BAHD1: variants seen among roughly 807,000 people sequenced by gnomAD.
BAHD1 encodes the protein bromo adjacent homology domain-containing 1 protein.
In BAHD1, 20 loss-of-function variants were observed where a neutral mutation model predicts 63.1. The ratio of observed to expected loss-of-function variants is 0.32; its 90% CI spans 0.22 to 0.46. The LOEUF (loss-of-function observed/expected upper bound fraction) is 0.46, where lower values mean the gene tolerates loss of function less well. BAHD1 is among the 20% of genes least tolerant of loss of function. The probability of loss-of-function intolerance (pLI) is 1.00; values close to 1 mark genes in which losing one functional copy is unlikely to be tolerated. For missense variants in BAHD1, 939 were observed against 1,071.8 expected (o/e 0.88, Z 1.73); for synonymous variants, 408 against 426.8 (o/e 0.96, Z 0.54).
upstream of BAHD1, among the ~76,000 whole-genome samples, chr15:40,437,741 T>A (rs555415139): frequency 4.7e-4 from 72 of 152,334 alleles, no homozygotes; most frequent in African/African-American, 1.7e-3. Context: ...TGGGGTGCCC[T>A]GCCTGGTGCC....
chr15:40,464,058 G>A (rs1038392565), intron 4 of BAHD1, 38 bp downstream of exon 4: 3 of 1,606,924 alleles, frequency 1.9e-6, no homozygotes, highest in Non-Finnish European at 2.6e-6. Context: ...AGGGGCAGCT[G>A]CCTTCAGCAG....
intron 1 of BAHD1, among the ~76,000 whole-genome samples, chr15:40,451,170 A>C (rs1013973048): frequency 6.6e-6 from 1 of 151,032 alleles, no homozygotes; most frequent in Non-Finnish European, 1.5e-5. Flanking sequence ...AAAAAAAAAA[A>C]AACTTTAGCT....
At position 40,458,894 on chromosome 15, in the gene BAHD1, C is replaced by A. The variant is rs375192754; in HGVS notation, c.430C>A (p.Arg144Ser). The A allele has an allele frequency of 2.5e-6, 4 of 1,596,802 alleles. No individual in the cohort carries two copies. The highest frequency in any genetic ancestry group is 3.4e-6 in the Non-Finnish European group (4 of 1,170,292). The part of the protein sequence containing the change: ...REDTSSLAGT[R>S]RSRAGDPHRS... ...GGACACCAGCAGCCTGGCAGGCACC[C>A]GCCGCAGTCGAGCAGGGGATCCCCA... The change falls in exon 2 of 7, where the codon CGC becomes AGC. Residue 144 changes from arginine (R) to serine (S), a missense_variant. Arg to Ser is a moderately radical substitution (Grantham distance 110). This residue lies in a region of BAHD1 where 797 missense variants were observed against 813.3 expected (regional missense o/e 0.98). Transcript: ENST00000416165. The surrounding 1 kb of genome is among the most constrained non-coding windows in gnomAD (Gnocchi z 4.7).
Position 40,458,407 on chromosome 15 carries a change from A to C in BAHD1, c.-14-44A>C. On this transcript the variant is annotated intron_variant, in intron 1 of 6. Transcript: ENST00000416165. The surrounding 1 kb of genome is among the most constrained non-coding windows in gnomAD (Gnocchi z 4.7). ...AGTGGGAGAGAAAGCAGGCAGGAGC[A>C]GGCCAGAGAGGGCTTCTCTCATTGC... The C allele has an allele frequency of 1.3e-6, 2 of 1,516,450 alleles. No individual in the cohort carries two copies. The highest frequency in any genetic ancestry group is 1.9e-4 in the Middle Eastern group (1 of 5,210). The allele number at this position is 1,516,450 out of a possible 1,614,324, so 93.9% of individuals were successfully genotyped here.
intron 4 of BAHD1, 112 bp from the exon 5 acceptor site, chr15:40,464,359 A>G: frequency 1.1e-6 from 1 of 912,072 alleles, no homozygotes; most frequent in East Asian, 2.6e-5. Context: ...GGGTTGCCGG[A>G]GCCTGCAGGA....
At chr15:40,459,949 C>G in intron 2 of BAHD1, 53 bp downstream of exon 2, 1 of 1,514,182 alleles carries the variant, frequency 6.6e-7, no homozygotes, top group Non-Finnish European at 8.8e-7. Context: ...ACATGGCATC[C>G]CAGGAGGTTG....
At chr15:40,460,282 A>G (rs549811778) in intron 2 of BAHD1, among the ~76,000 whole-genome samples, 1 of 151,936 alleles carries the variant, frequency 6.6e-6, no homozygotes, top group East Asian at 1.9e-4. Flanking sequence ...CGGCCCTTCT[A>G]CCCTCCTTGA....
At chr15:40,439,565 T>C (rs1329190249), upstream of BAHD1, among the ~76,000 whole-genome samples, 1 of 152,198 alleles carries the variant, frequency 6.6e-6, no homozygotes, top group Non-Finnish European at 1.5e-5. Context: ...TGCCTCTCTC[T>C]GCCCAAGGCG....
At chr15:40,442,077 C>T (rs990695375) in intron 1 of BAHD1, among the ~76,000 whole-genome samples, 1 of 152,118 alleles carries the variant, frequency 6.6e-6, no homozygotes, top group Non-Finnish European at 1.5e-5. Flanking sequence ...GACAGCGGGA[C>T]CCTGTGCTCG....
At chr15:40,454,091 A>C (rs1893782719) in intron 1 of BAHD1, 1 of 152,418 alleles carries the variant, frequency 6.6e-6, no homozygotes, top group Non-Finnish European at 1.5e-5. Flanking sequence ...CTGGGTGGGT[A>C]AGGGGAGAGC....
rs1894129959 is a variant in BAHD1 at position 40,464,016 on chromosome 15, G to C, written c.1971G>C (p.Glu657Asp). The C allele has an allele frequency of 2.1e-5, 34 of 1,613,928 alleles. No homozygotes were observed. The highest frequency in any genetic ancestry group is 2.9e-5 in the Non-Finnish European group (34 of 1,179,992). The change falls in exon 4 of 7, where the codon GAG becomes GAC. Residue 657 changes from glutamate to aspartate, a missense_variant. Glu to Asp is a conservative substitution (Grantham distance 45). Around this residue, in one of 5 missense-constraint regions of BAHD1, gnomAD observed 8 missense variants for 47.7 expected, o/e 0.17. Transcript: ENST00000416165. ...TCTCTGCCCTCTGGGAGAACCCCGA[G>C]TCAGGTACCTCTCCCTCTGGCTGGG... Reference protein sequence around the residue: ...AKISALWENPESGELMMSLLW... With the variant: ...AKISALWENPDSGELMMSLLW...
intron 1 of BAHD1, among the ~76,000 whole-genome samples, chr15:40,449,617 T>C (rs1893644858): frequency 6.6e-6 from 1 of 151,852 alleles, no homozygotes; most frequent in African/African-American, 2.4e-5. Flanking sequence ...CTGGGCAACA[T>C]AGTGAGACCT....
At chr15:40,441,880 G>T (rs1434285137) in intron 1 of BAHD1, among the ~76,000 whole-genome samples, 1 of 151,906 alleles carries the variant, frequency 6.6e-6, no homozygotes, top group Non-Finnish European at 1.5e-5. Flanking sequence ...GCCGGGCCGG[G>T]GGCGGCAGGG....
intron 1 of BAHD1, among the ~76,000 whole-genome samples, chr15:40,457,099 G>C (rs976529201): frequency 6.6e-6 from 1 of 152,312 alleles, no homozygotes; most frequent in Middle Eastern, 3.4e-3. Flanking sequence ...TCTGTCAGGG[G>C]CTCTGGGCTT....
At chr15:40,465,832 G>A (rs1462506467) in intron 6 of BAHD1, 109 bp from the exon 7 acceptor site, 1 of 1,141,162 alleles carries the variant, frequency 8.8e-7, no homozygotes, top group East Asian at 2.4e-5. Flanking sequence ...CACCCCTTGG[G>A]GAGCTAGGAT....
At chr15:40,440,433 G>A (rs918817648), upstream of BAHD1, among the ~76,000 whole-genome samples, 7 of 152,008 alleles carry the variant, frequency 4.6e-5, no homozygotes, top group Non-Finnish European at 7.4e-5. Context: ...TCTTCCTGAA[G>A]CTTTGCCCTG....
upstream of BAHD1, among the ~76,000 whole-genome samples, chr15:40,438,765 T>A (rs1351926946): frequency 6.6e-6 from 1 of 152,176 alleles, no homozygotes; most frequent in Non-Finnish European, 1.5e-5. Flanking sequence ...TTCCTGCCAC[T>A]TAGGTCTCCT....
chr15:40,465,473 C>G (rs773639115), intron 6 of BAHD1, 38 bp downstream of exon 6: 1 of 1,516,232 alleles, frequency 6.6e-7, no homozygotes, highest in East Asian at 2.3e-5. Flanking sequence ...GGCCTCTTCC[C>G]TCAGGCTCCC....
At chr15:40,444,975 C>T (rs770198286) in intron 1 of BAHD1, among the ~76,000 whole-genome samples, 16 of 151,958 alleles carry the variant, frequency 1.1e-4, no homozygotes, top group Non-Finnish European at 2.2e-4. Flanking sequence ...AAAAAAAATC[C>T]CTACTACTTC....
Sources: allele counts gnomAD v4.1 joint callset (sites outside exome capture counted in the v4.1 genomes callset), GRCh38; gene constraint gnomAD v4.1.1; regional missense constraint gnomAD v4.1.1; non-coding constraint Gnocchi (gnomAD v3.1); transcripts MANE v1.5; gene names NCBI Gene and HGNC (gene_info 2026-07-23, HGNC 2026-07-21).